The following MORF4L1 variants were observed in gnomAD, a reference collection of about 807,000 sequenced individuals.
MORF4L1 encodes mortality factor 4-like protein 1.
A neutral mutation model predicts 52.9 loss-of-function variants in MORF4L1; 4 were observed. That is an observed-to-expected ratio of 0.08 (90% CI 0.04 to 0.17). The LOEUF (loss-of-function observed/expected upper bound fraction) is 0.17. Among genes scored for constraint, MORF4L1 ranks in the 10% least tolerant of loss-of-function variants. The pLI, the probability that MORF4L1 is intolerant of heterozygous loss-of-function variation, is 1.00. For missense variants in MORF4L1, 214 were observed against 390.4 expected (o/e 0.55, Z 3.81); for synonymous variants, 123 against 134.8 (o/e 0.91, Z 0.61).
At chr15:78,884,922 G>A (rs902752302) in intron 3 of MORF4L1, 2 of 1,391,086 alleles carry the variant, frequency 1.4e-6, no homozygotes, top group South Asian at 2.5e-5. Context: ...GCTCAATTCT[G>A]CACCTGGTCA....
In MORF4L1 at chr15:78,886,557, G is replaced by A. The variant is rs2056707000; in HGVS notation, c.242+330G>A. ...ATTTGGTGGGGAAACAAGCAAACGA[G>A]GCATTTCCTATTCTGCTTTTCATCT... is the stretch of plus-strand genomic sequence containing the variant. On this transcript the variant is annotated intron_variant, in intron 4 of 11. Transcript: ENST00000426013. 2.0e-5 allele frequency among the ~76,000 whole-genome samples: 3 copies of A among 152,218 alleles called. No individual in the cohort carries two copies. In the South Asian group the frequency reaches 6.2e-4, roughly 32 times the overall value.
intron 5 of MORF4L1, among the ~76,000 whole-genome samples, chr15:78,888,472 C>T (rs544102280): frequency 6.6e-6 from 1 of 151,668 alleles, no homozygotes; most frequent in Non-Finnish European, 1.5e-5. Flanking sequence ...AGTTGATGTA[C>T]CTGAAAGTGG....
intron 3 of MORF4L1, among the ~76,000 whole-genome samples, chr15:78,885,864 C>T (rs969511128): frequency 4.6e-5 from 7 of 152,192 alleles, no homozygotes; most frequent in African/African-American, 1.4e-4. Flanking sequence ...GTGAATCTTA[C>T]ATTAAGTGCC....
chr15:78,882,143 C>A (rs1202224876), intron 3 of MORF4L1, among the ~76,000 whole-genome samples: 1 of 152,018 alleles, frequency 6.6e-6, no homozygotes, highest in Non-Finnish European at 1.5e-5. Flanking sequence ...GTATTTTTTT[C>A]CCAGTTAATG....
At chr15:78,879,234 C>T (rs12911969) in intron 2 of MORF4L1, among the ~76,000 whole-genome samples, 102,707 of 151,658 alleles carry the variant, frequency 0.68, 37,389 homozygotes, top group Non-Finnish European at 0.82. Flanking sequence ...CGCCCCGCCC[C>T]GCCCCCCAAG....
chr15:78,877,659 C>T (rs1343255297), intron 1 of MORF4L1: 1 of 152,212 alleles, frequency 6.6e-6, no homozygotes, highest in African/African-American at 2.4e-5. Flanking sequence ...GCTTTATTGT[C>T]TCATTTCTTT....
At chr15:78,888,399 C>G (rs1230157975) in intron 5 of MORF4L1, among the ~76,000 whole-genome samples, 1 of 150,770 alleles carries the variant, frequency 6.6e-6, no homozygotes, top group African/African-American at 2.4e-5. Context: ...CCCAGGAGGT[C>G]AAGGCTGCAC....
chr15:78,888,840 T>G (rs2056751149), intron 5 of MORF4L1, among the ~76,000 whole-genome samples: 1 of 152,230 alleles, frequency 6.6e-6, no homozygotes. Flanking sequence ...GGATTAAGTG[T>G]GTTACTATTT....
intron 3 of MORF4L1, among the ~76,000 whole-genome samples, chr15:78,884,670 C>T (rs1019306225): frequency 0.3 from 19,010 of 64,332 alleles, 2,020 homozygotes; most frequent in South Asian, 0.49. Flanking sequence ...TACACACACA[C>T]ACACACACAC....
chr15:78,880,645 G>A, intron 3 of MORF4L1, 66 bp downstream of exon 3: 1 of 1,184,352 alleles, frequency 8.4e-7, no homozygotes. Flanking sequence ...GACTGGCTTA[G>A]CAAGCATATG....
intron 1 of MORF4L1, among the ~76,000 whole-genome samples, chr15:78,875,413 TTAC>T (rs2056466512): frequency 6.6e-6 from 1 of 152,236 alleles, no homozygotes; most frequent in African/African-American, 2.4e-5. Context: ...GTATTTAACA[TTAC>T]TTTCCAGGTG....
chr15:78,886,226 C>G lies in MORF4L1; in HGVS notation c.241C>G (p.Gln81Glu), dbSNP rs778183416. Residue 81 changes from glutamine (Q) to glutamate (E), a missense_variant and splice_region_variant, in exon 4 of 12, where the codon CAG becomes GAG. Around this residue, in one of 5 missense-constraint regions of MORF4L1, gnomAD observed 84 missense variants for 116.3 expected, o/e 0.72. Coordinates refer to ENST00000426013, the MANE Select transcript of MORF4L1 (RefSeq NM_006791.4). ...ACAGCGAGAACTTCAAAAAGCCAAT[C>G]AGTAAGTTTGTTTTGTGAACTGAAT... The part of the protein sequence containing the change: ...QKQRELQKAN[Q>E]EQYAEGKMRG... The G allele has an allele frequency of 3.7e-6, 6 of 1,611,640 alleles. No individual in the cohort carries two copies. The African/African-American group carries it at 6.7e-5, about 18-fold the overall frequency.
chr15:78,873,361 T>C (rs564092049), intron 1 of MORF4L1: 115 of 675,334 alleles, frequency 1.7e-4, no homozygotes, highest in Non-Finnish European at 2.3e-4. Context: ...GAGCAGCCTA[T>C]TGTAGGGAGG....
In MORF4L1 at chr15:78,891,012, A is replaced by C; in HGVS notation, c.347A>C (p.Lys116Thr). 1 of 1,464,016 alleles carries C rather than the reference A, an allele frequency of 6.8e-7. No homozygotes were observed. The highest frequency in any genetic ancestry group is 9.2e-7 in the Non-Finnish European group (1 of 1,086,992). 90.7% of individuals were successfully genotyped at this position (1,464,016 alleles called of 1,614,324 possible). Reference sequence around the variant, plus strand: ...AGGAAAACGAAAAAGAACAAACAGAAAAGTAAGAATATTAACTTTCTTAAC... The same window carrying C: ...AGGAAAACGAAAAAGAACAAACAGACAAGTAAGAATATTAACTTTCTTAAC... The part of the protein sequence containing the change: ...VEVKTKKNKQ[K>T]TPGNGDGGST... The change falls in exon 6 of 12, where the codon AAA (lysine) becomes ACA (threonine). Residue 116 changes from lysine (K) to threonine (T), a missense_variant and splice_region_variant. Transcript: ENST00000426013.
At chr15:78,893,981 C>A in intron 9 of MORF4L1, 77 bp from the exon 10 acceptor site, 5 of 1,376,872 alleles carry the variant, frequency 3.6e-6, no homozygotes, top group African/African-American at 1.5e-5. Context: ...GCTTTTAATT[C>A]TTTAAATTGG....
intron 5 of MORF4L1, among the ~76,000 whole-genome samples, chr15:78,888,555 T>C (rs2056745947): frequency 6.6e-6 from 1 of 152,196 alleles, no homozygotes; most frequent in African/African-American, 2.4e-5. Context: ...TAACTTTTAT[T>C]AAGAGGTCAT....
At chr15:78,891,332 A>C in intron 6 of MORF4L1, 152 bp from the exon 7 acceptor site, 2 of 682,050 alleles carry the variant, frequency 2.9e-6, no homozygotes, top group South Asian at 3.8e-5. Context: ...TGAAAGTTGT[A>C]TTTTTGGTAG....
intron 1 of MORF4L1, among the ~76,000 whole-genome samples, chr15:78,875,873 T>A (rs997763781): frequency 3.9e-5 from 6 of 152,200 alleles, no homozygotes; most frequent in African/African-American, 1.4e-4. Context: ...AGAATCGTCT[T>A]GAAACACTGT....
chr15:78,897,256 T>TC lies in MORF4L1; in HGVS notation c.*190dup, dbSNP rs2056907650. ...CTTTTTTCTTCTTTCTTTTTTTTTTTCATTTCAAAATTGCTGCCAGTGTTT... is the reference window on the plus strand; with the variant it reads ...CTTTTTTCTTCTTTCTTTTTTTTTTTCCATTTCAAAATTGCTGCCAGTGTTT... On this transcript the variant is annotated 3_prime_UTR_variant, in exon 12 of 12. Coordinates refer to ENST00000426013, the MANE Select transcript of MORF4L1 (RefSeq NM_006791.4). 1 of 476,216 alleles carries TC rather than the reference T, an allele frequency of 2.1e-6. No individual in the cohort carries two copies. The highest frequency in any genetic ancestry group is 3.9e-6 in the Non-Finnish European group (1 of 255,788). The allele number at this position is 476,216 out of a possible 1,614,324, so 29.5% of individuals were successfully genotyped here.
Sources: allele counts gnomAD v4.1 joint callset (sites outside exome capture counted in the v4.1 genomes callset), GRCh38; gene constraint gnomAD v4.1.1; regional missense constraint gnomAD v4.1.1; transcripts MANE v1.5; gene names NCBI Gene and HGNC (gene_info 2026-07-23, HGNC 2026-07-21).